NINJ2: variants seen among roughly 807,000 people sequenced by gnomAD.
NINJ2 encodes ninjurin-2.
Under a neutral mutation model 11.7 loss-of-function variants are expected in NINJ2, and 12 were observed. The observed-to-expected ratio is 1.02, with a 90% CI of 0.66 to 1.66. The LOEUF is 1.66. Ranked by LOEUF, NINJ2 falls within the 40% of genes most tolerant of loss-of-function variation. The pLI is 0.00. For synonymous variants in NINJ2, 93 were observed against 76.8 expected (o/e 1.21, Z -1.10); for missense variants, 187 against 181.8 (o/e 1.03, Z -0.16).
intron 1 of NINJ2, among the ~76,000 whole-genome samples, chr12:578,434 A>G (rs1006849057): frequency 6.6e-6 from 1 of 152,046 alleles, no homozygotes; most frequent in Non-Finnish European, 1.5e-5. Context: ...TCCTCTTGCC[A>G]TAGCCTCCTG....
At chr12:599,714 G>T (rs1947841077) in intron 1 of NINJ2, among the ~76,000 whole-genome samples, 1 of 152,210 alleles carries the variant, frequency 6.6e-6, no homozygotes, top group Non-Finnish European at 1.5e-5. Flanking sequence ...CTCAGTCCCA[G>T]CAAGTCTGGA....
At chr12:570,617 A>G (rs1947362965) in intron 1 of NINJ2, among the ~76,000 whole-genome samples, 1 of 152,176 alleles carries the variant, frequency 6.6e-6, no homozygotes, top group South Asian at 2.1e-4. Flanking sequence ...AGAGCCACCC[A>G]GCATGAGTCA....
intron 1 of NINJ2, among the ~76,000 whole-genome samples, chr12:578,442 C>A (rs1159127064): frequency 6.6e-6 from 1 of 152,134 alleles, no homozygotes; most frequent in Non-Finnish European, 1.5e-5. Flanking sequence ...CCATAGCCTC[C>A]TGGGTAGCTG....
chr12:587,116 A>G (rs753350118), intron 1 of NINJ2, among the ~76,000 whole-genome samples: 8 of 152,192 alleles, frequency 5.3e-5, no homozygotes, highest in Admixed American at 5.2e-4. Context: ...TGGGAGGAGG[A>G]GGCTCAGCCC....
chr12:634,781 G>A (rs963918713), intron 1 of NINJ2, among the ~76,000 whole-genome samples: 1 of 152,156 alleles, frequency 6.6e-6, no homozygotes, highest in East Asian at 1.9e-4. Context: ...CCAGAATGTT[G>A]CCCTCTTCAG....
At chr12:662,386 C>G (rs11611524) in intron 1 of NINJ2, among the ~76,000 whole-genome samples, 27,917 of 150,814 alleles carry the variant, frequency 0.19, 2,703 homozygotes, top group Admixed American at 0.22. Flanking sequence ...TCACGCCACC[C>G]TGCCCAAAAC....
intron 1 of NINJ2, among the ~76,000 whole-genome samples, chr12:606,957 T>TC (rs1222198447): frequency 1.3e-5 from 2 of 152,324 alleles, no homozygotes; most frequent in Admixed American, 1.3e-4. Flanking sequence ...AAGAGGTTCC[T>TC]CCTGGCATTT....
intron 1 of NINJ2, among the ~76,000 whole-genome samples, chr12:624,565 T>G (rs183543883): frequency 6.6e-6 from 1 of 152,244 alleles, no homozygotes; most frequent in East Asian, 1.9e-4. Context: ...TCCCAGCACT[T>G]TGGGAAGCAG....
intron 1 of NINJ2, among the ~76,000 whole-genome samples, chr12:597,622 T>A (rs1947805448): frequency 6.6e-6 from 1 of 152,244 alleles, no homozygotes; most frequent in Non-Finnish European, 1.5e-5. Flanking sequence ...ATTGAAGAAG[T>A]CTCGAAGACA....
At chr12:609,789 A>AAAAAAAAAAAAAAGAG (rs71439346) in intron 1 of NINJ2, among the ~76,000 whole-genome samples, 5 of 116,628 alleles carry the variant, frequency 4.3e-5, no homozygotes, top group African/African-American at 6.4e-5. Flanking sequence ...AAAAAAAAAT[A>AAAAAAAAAAAAAAGAG]GGGAAAACAA....
intron 1 of NINJ2, among the ~76,000 whole-genome samples, chr12:618,510 ATCTG>A (rs1007162550): frequency 2.0e-5 from 3 of 152,134 alleles, no homozygotes; most frequent in African/African-American, 7.2e-5. Flanking sequence ...GTTGTGCCTG[ATCTG>A]TCTATTTTAC....
At position 620,762 on chromosome 12, in the gene NINJ2, T is replaced by G. The variant is rs113334677; in HGVS notation, c.33+42566A>C. On this transcript the variant is annotated intron_variant, in intron 1 of 3. Coordinates refer to ENST00000305108, the MANE Select transcript of NINJ2 (RefSeq NM_016533.6). ...CTCCTGCCTCAGCCTCCGGAGTAGC[T>G]GGGATTACAGGTGTGCGCCACAATG... Among the ~76,000 whole-genome samples, 526 of 152,282 alleles carry G rather than the reference T, an allele frequency of 3.5e-3. 4 individuals are homozygous for G. Among genetic ancestry groups the G allele is most frequent in the African/African-American group, 0.012 (495 of 41,558 alleles).
At chr12:608,962 A>G (rs1292190554) in intron 1 of NINJ2, among the ~76,000 whole-genome samples, 2 of 152,082 alleles carry the variant, frequency 1.3e-5, no homozygotes, top group South Asian at 2.1e-4. Context: ...TTGTTGTTTA[A>G]TTCAATCTAG....
intron 1 of NINJ2, among the ~76,000 whole-genome samples, chr12:655,136 C>A (rs1027642869): frequency 9.2e-5 from 14 of 152,064 alleles, no homozygotes; most frequent in Non-Finnish European, 1.8e-4. Context: ...AAAGTAGAAG[C>A]ACTCCCACTA....
At chr12:623,521 C>T (rs1046473149) in intron 1 of NINJ2, among the ~76,000 whole-genome samples, 13 of 152,326 alleles carry the variant, frequency 8.5e-5, no homozygotes, top group East Asian at 7.7e-4. Context: ...ATCCAAACTC[C>T]GAATCTAAAA....
chr12:629,105 G>A (rs1057141163), intron 1 of NINJ2, among the ~76,000 whole-genome samples: 1 of 152,160 alleles, frequency 6.6e-6, no homozygotes, highest in South Asian at 2.1e-4. Context: ...TCATGGACTA[G>A]CCCAGAGTTC....
intron 1 of NINJ2, among the ~76,000 whole-genome samples, chr12:652,839 T>A (rs1236481629): frequency 6.7e-6 from 1 of 149,274 alleles, no homozygotes; most frequent in Non-Finnish European, 1.5e-5. Flanking sequence ...CCCAGCTACT[T>A]GGGAGGCTGA....
chr12:605,751 G>A (rs1457173929), intron 1 of NINJ2, among the ~76,000 whole-genome samples: 1 of 152,162 alleles, frequency 6.6e-6, no homozygotes, highest in Non-Finnish European at 1.5e-5. Flanking sequence ...TTTCGAATGG[G>A]TTCTATATTA....
intron 1 of NINJ2, among the ~76,000 whole-genome samples, chr12:601,536 A>G (rs1279660679): frequency 8.0e-5 from 12 of 149,924 alleles, no homozygotes; most frequent in South Asian, 2.1e-4. Flanking sequence ...CCACAGAAGC[A>G]AGACTCCGTC....
Sources: gnomAD v4.1 joint callset for allele counts (sites outside exome capture counted in the v4.1 genomes callset) on GRCh38, gnomAD v4.1.1 for gene constraint, MANE v1.5 for transcripts, NCBI Gene and HGNC (gene_info 2026-07-23, HGNC 2026-07-21) for gene names.